The following BLTP1 variants were observed in gnomAD, a reference collection of about 807,000 sequenced individuals.
BLTP1 encodes fragile site-associated protein.
At chr4:122,232,176 C>T in the BLTP1 span, 1 of 921,348 alleles carries the variant, frequency 1.1e-6, no homozygotes, top group Non-Finnish European at 1.3e-6. Context: ...TTTTATCTTT[C>T]TTACGAGTTA....
the BLTP1 span, chr4:122,325,843 A>G: frequency 9.4e-7 from 1 of 1,065,600 alleles, no homozygotes. Flanking sequence ...TTTTCTCATT[A>G]TTTTAATTAA....
At chr4:122,186,189 T>C in the BLTP1 span, 17 of 1,612,228 alleles carry the variant, frequency 1.1e-5, no homozygotes, top group East Asian at 6.7e-5. Context: ...ACACGGGAAA[T>C]TGGAAGAACA....
the BLTP1 span, among the ~76,000 whole-genome samples, chr4:122,230,591 C>T: frequency 1.1e-4 from 17 of 152,228 alleles, no homozygotes; most frequent in South Asian, 3.5e-3. Context: ...GTACTACTAT[C>T]GTCTACTGTA....
At chr4:122,253,440 A>G in the BLTP1 span, among the ~76,000 whole-genome samples, 1 of 152,156 alleles carries the variant, frequency 6.6e-6, no homozygotes, top group Non-Finnish European at 1.5e-5. Flanking sequence ...ATCTTATTAG[A>G]TAAATTTGAC....
chr4:122,359,760 G>C, the BLTP1 span: 1 of 1,539,386 alleles, frequency 6.5e-7, no homozygotes, highest in Non-Finnish European at 8.7e-7. Flanking sequence ...ATATGCTAAG[G>C]GATTACTATG....
the BLTP1 span, chr4:122,344,154 G>C: frequency 2.5e-6 from 1 of 399,010 alleles, no homozygotes; most frequent in African/African-American, 2.2e-5. Flanking sequence ...AGTTTCTATT[G>C]TTGGAGAAGG....
At chr4:122,322,458 A>G in the BLTP1 span, among the ~76,000 whole-genome samples, 2 of 152,224 alleles carry the variant, frequency 1.3e-5, no homozygotes, top group African/African-American at 4.8e-5. Flanking sequence ...CCCTTGGCAT[A>G]GTAATCATAG....
the BLTP1 span, chr4:122,257,298 T>C: frequency 6.2e-7 from 1 of 1,613,932 alleles, no homozygotes; most frequent in African/African-American, 1.3e-5. Context: ...AAAGGTTTAG[T>C]TGCACTGGCA....
At chr4:122,297,398 G>A in the BLTP1 span, among the ~76,000 whole-genome samples, 5 of 152,082 alleles carry the variant, frequency 3.3e-5, no homozygotes, top group South Asian at 8.3e-4. Context: ...AAAAAGTCAA[G>A]AAACAACAGA....
chr4:122,301,794 C>G, the BLTP1 span, among the ~76,000 whole-genome samples: 15 of 152,260 alleles, frequency 9.9e-5, no homozygotes, highest in Admixed American at 2.0e-4. Context: ...ATTTTATGCA[C>G]TTTTCCAGTT....
chr4:122,201,903 T>C, the BLTP1 span: 7 of 984,096 alleles, frequency 7.1e-6, no homozygotes, highest in South Asian at 3.3e-4. Flanking sequence ...ATTAGATATT[T>C]GGAGGTGTAG....
chr4:122,159,625 A>C, the BLTP1 span, among the ~76,000 whole-genome samples: 1 of 152,078 alleles, frequency 6.6e-6, no homozygotes, highest in African/African-American at 2.4e-5. Context: ...TACTGTTATA[A>C]TGTTTTTTGT....
chr4:122,291,493 C>T, the BLTP1 span, among the ~76,000 whole-genome samples: 19 of 152,222 alleles, frequency 1.2e-4, no homozygotes, highest in African/African-American at 4.6e-4. Flanking sequence ...CATCATGTTA[C>T]GTTTAGTGTT....
At chr4:122,268,299 G>A in the BLTP1 span, among the ~76,000 whole-genome samples, 6 of 150,038 alleles carry the variant, frequency 4.0e-5, no homozygotes, top group Non-Finnish European at 8.8e-5. Flanking sequence ...AGTTTGAATG[G>A]TCCTGTCCTT....
the BLTP1 span, chr4:122,334,649 GACAT>G: frequency 1.7e-6 from 2 of 1,154,010 alleles, no homozygotes; most frequent in Non-Finnish European, 2.4e-6. Context: ...AAGAAAAAAG[GACAT>G]ACATTTGTCA....
the BLTP1 span, chr4:122,316,494 C>T: frequency 7.7e-6 from 4 of 516,506 alleles, no homozygotes; most frequent in Admixed American, 9.2e-5. Context: ...TGTGGGGCTC[C>T]CCTCAGTCTA....
chr4:122,238,341 G>A, the BLTP1 span: 2 of 1,613,508 alleles, frequency 1.2e-6, no homozygotes, highest in Non-Finnish European at 1.7e-6. Flanking sequence ...AGAGATGATG[G>A]CCAAGCAAGG....
chr4:122,333,723 A>C, the BLTP1 span: 2 of 1,612,324 alleles, frequency 1.2e-6, no homozygotes, highest in Non-Finnish European at 1.7e-6. Context: ...CCATTTAATG[A>C]CCGGCAAGAA....
the BLTP1 span, chr4:122,249,501 A>C: frequency 1.2e-6 from 2 of 1,613,274 alleles, no homozygotes; most frequent in Non-Finnish European, 1.7e-6. Context: ...GGACCTGTGC[A>C]ATCACTGCTA....
Sources: allele counts gnomAD v4.1 joint callset (sites outside exome capture counted in the v4.1 genomes callset), GRCh38; gene constraint gnomAD v4.1.1; transcripts MANE v1.5; gene names NCBI Gene and HGNC (gene_info 2026-07-23, HGNC 2026-07-21).